The following ASMT variants were observed in gnomAD, a reference collection of about 807,000 sequenced individuals.
ASMT encodes the protein acetylserotonin N-methyltransferase.
A neutral mutation model predicts 41.3 loss-of-function variants in ASMT; 53 were observed. The observed-to-expected ratio is 1.28, with a 90% CI of 1.03 to 1.61. The LOEUF is 1.61. ASMT is among the 40% of genes most tolerant of loss of function. The pLI, the probability that ASMT is intolerant of heterozygous loss-of-function variation, is 0.00. For synonymous variants in ASMT, 231 were observed against 184.8 expected, an observed-to-expected ratio of 1.25 and a Z score of -2.03; for missense variants, 531 against 441.3, an observed-to-expected ratio of 1.20 and a Z score of -1.82.
At chrX:1,623,062 C>A in intron 1 of ASMT, 77 bp from the exon 2 acceptor site, 1 of 1,444,500 alleles carries the variant, frequency 6.9e-7, no homozygotes, top group Non-Finnish European at 9.7e-7. Flanking sequence ...CCTAGCCTGC[C>A]ATGGTATGGG....
At position 1,615,153 on chromosome X, in the gene ASMT, G is replaced by C. The variant is rs1316071794; in HGVS notation, c.-47G>C. ...GCCAGCAGGCTCTGTGCTCCTTGAA[G>C]CAAGCGCTCCAGAGGCTCCGGAAGC... On this transcript the variant is annotated 5_prime_UTR_variant, in exon 1 of 9. Coordinates refer to ENST00000381241, the MANE Select transcript of ASMT (RefSeq NM_001171038.2). 5 of 1,544,446 alleles carry C rather than the reference G, an allele frequency of 3.2e-6. No homozygotes were observed. The highest frequency in any genetic ancestry group is 1.4e-5 in the African/African-American group (1 of 73,344).
In ASMT at chrX:1,642,915, C is replaced by A; in HGVS notation, c.1023C>A (p.Thr341=). 2.5e-6 allele frequency: 4 copies of A among 1,613,940 alleles called. No individual in the cohort carries two copies. The highest frequency in any genetic ancestry group is 3.4e-6 in the Non-Finnish European group (4 of 1,179,868). Residue 341 remains threonine (T), a synonymous_variant, in exon 9 of 9, where the codon ACC becomes ACA. Transcript: ENST00000381241. The stretch of plus-strand genomic sequence containing the variant: ...TGCAGACGGAAGGGCAGGAGAGGAC[C>A]CCCACCCACTACCACATGCTCCTCT... ...MLVQTEGQER[T]PTHYHMLLSS... is the part of the protein sequence containing the mutation.
chrX:1,619,335 A>C (rs1435610502), intron 1 of ASMT, among the ~76,000 whole-genome samples: 1 of 149,796 alleles, frequency 6.7e-6, no homozygotes, highest in Non-Finnish European at 1.5e-5. Flanking sequence ...TGGAGGTTGC[A>C]GTGAGCCGAG....
intron 1 of ASMT, among the ~76,000 whole-genome samples, chrX:1,617,337 G>A (rs1205800815): frequency 1.3e-5 from 2 of 151,364 alleles, no homozygotes; most frequent in Non-Finnish European, 2.9e-5. Flanking sequence ...AGGCATGATG[G>A]TGGGCACCTG....
chrX:1,632,960 T>G (rs2097573910), intron 6 of ASMT, 173 bp downstream of exon 6: 1 of 169,652 alleles, frequency 5.9e-6, no homozygotes, highest in Admixed American at 6.5e-5. Context: ...TGGATACCTA[T>G]GTAACAAAAC....
intron 5 of ASMT, among the ~76,000 whole-genome samples, chrX:1,630,841 C>T (rs1414861151): frequency 3.3e-5 from 5 of 151,500 alleles, no homozygotes; most frequent in Non-Finnish European, 5.9e-5. Flanking sequence ...TACAGGCGCC[C>T]GCCACCACAC....
intron 2 of ASMT, among the ~76,000 whole-genome samples, chrX:1,623,659 C>A (rs184219367): frequency 9.7e-4 from 148 of 152,210 alleles, no homozygotes; most frequent in African/African-American, 3.3e-3. Flanking sequence ...GCCCTGGGGA[C>A]GTCAAAGCTG....
chrX:1,629,086 A>G (rs1247438260), intron 4 of ASMT, among the ~76,000 whole-genome samples: 2 of 137,474 alleles, frequency 1.5e-5, no homozygotes, highest in Non-Finnish European at 3.1e-5. Flanking sequence ...CTTTCTTTAT[A>G]TATATATATA....
At chrX:1,632,108 G>A (rs1422680217) in intron 5 of ASMT, among the ~76,000 whole-genome samples, 1 of 152,152 alleles carries the variant, frequency 6.6e-6, no homozygotes, top group Non-Finnish European at 1.5e-5. Context: ...GGGGCTGGAA[G>A]TCTCTGTGGC....
chrX:1,626,469 C>T (rs1934553020), intron 3 of ASMT, among the ~76,000 whole-genome samples: 1 of 151,986 alleles, frequency 6.6e-6, no homozygotes, highest in Non-Finnish European at 1.5e-5. Context: ...TGAGCTCAGG[C>T]TATCTGCCCC....
intron 3 of ASMT, 70 bp from the exon 4 acceptor site, chrX:1,627,633 C>CGAAACGAAATGAAATGAAAT: frequency 1.7e-6 from 2 of 1,198,966 alleles, no homozygotes; most frequent in Non-Finnish European, 2.5e-6. Flanking sequence ...CGAAATGAAA[C>CGAAACGAAATGAAATGAAAT]GAAATGAAAT....
At chrX:1,635,139 T>TG (rs1317363692) in intron 7 of ASMT, among the ~76,000 whole-genome samples, 3 of 105,920 alleles carry the variant, frequency 2.8e-5, no homozygotes, top group Non-Finnish European at 5.7e-5. Flanking sequence ...CACGCCCAGC[T>TG]AATTTTTTTT....
chrX:1,637,001 T>TGTGA (rs1935004322), intron 8 of ASMT, among the ~76,000 whole-genome samples: 2 of 70,572 alleles, frequency 2.8e-5, no homozygotes, highest in Non-Finnish European at 5.8e-5. Context: ...CCTCTGTGTG[T>TGTGA]GATGGGGACA....
intron 3 of ASMT, among the ~76,000 whole-genome samples, chrX:1,627,392 C>T (rs1247935819): frequency 6.6e-5 from 10 of 151,556 alleles, no homozygotes; most frequent in East Asian, 3.9e-4. Context: ...GAGGCCGAGG[C>T]GGGTGGATCA....
At chrX:1,621,028 G>T (rs1257944425) in intron 1 of ASMT, among the ~76,000 whole-genome samples, 27 of 152,044 alleles carry the variant, frequency 1.8e-4, no homozygotes, top group African/African-American at 6.5e-4. Flanking sequence ...CGCGGGAGGC[G>T]TAGGTTGCCG....
At chrX:1,627,248 C>T (rs1202380326) in intron 3 of ASMT, among the ~76,000 whole-genome samples, 3 of 151,026 alleles carry the variant, frequency 2.0e-5, no homozygotes, top group African/African-American at 4.9e-5. Flanking sequence ...ATCGCTTGAA[C>T]CCGGGAGGCG....
intron 8 of ASMT, among the ~76,000 whole-genome samples, chrX:1,642,406 A>G (rs1429357440): frequency 6.6e-6 from 1 of 150,748 alleles, no homozygotes; most frequent in Non-Finnish European, 1.5e-5. Flanking sequence ...CTGATGGTTC[A>G]TGAGGACGTG....
At chrX:1,633,667 T>C (rs1433301594) in intron 7 of ASMT, among the ~76,000 whole-genome samples, 1 of 130,398 alleles carries the variant, frequency 7.7e-6, no homozygotes, top group Non-Finnish European at 1.6e-5. Context: ...TGAGATGGAG[T>C]CTCACTCTCT....
At chrX:1,626,765 C>T (rs1488420128) in intron 3 of ASMT, among the ~76,000 whole-genome samples, 10 of 151,978 alleles carry the variant, frequency 6.6e-5, no homozygotes, top group African/African-American at 2.2e-4. Flanking sequence ...CGGTGGCTCA[C>T]GCCTGTAATC....
Sources: allele counts gnomAD v4.1 joint callset (sites outside exome capture counted in the v4.1 genomes callset), GRCh38; gene constraint gnomAD v4.1.1; transcripts MANE v1.5; gene names NCBI Gene and HGNC (gene_info 2026-07-23, HGNC 2026-07-21).